ANKFN1: variants seen among roughly 807,000 people sequenced by gnomAD.
ANKFN1 encodes the protein ankyrin repeat and fibronectin type-III domain-containing protein 1.
In ANKFN1, 74 loss-of-function variants were observed where a neutral mutation model predicts 108.7. The ratio of observed to expected loss-of-function variants is 0.68; its 90% CI spans 0.56 to 0.83. The LOEUF is 0.83. Among genes scored for constraint, ANKFN1 ranks in the 40% least tolerant of loss-of-function variants. The pLI is 0.00. For missense variants in ANKFN1, 1,505 were observed against 1,382.3 expected (o/e 1.09, Z -1.41); for synonymous variants, 547 against 516.2 (o/e 1.06, Z -0.81).
chr17:56,433,456 C>T (rs1197620747), intron 8 of ANKFN1, among the ~76,000 whole-genome samples: 3 of 151,688 alleles, frequency 2.0e-5, no homozygotes, highest in Non-Finnish European at 4.4e-5. Context: ...TACATACATA[C>T]TATATATATG....
intron 4 of ANKFN1, among the ~76,000 whole-genome samples, chr17:56,078,910 G>C (rs560471230): frequency 6.6e-6 from 1 of 152,250 alleles, no homozygotes; most frequent in South Asian, 2.1e-4. Context: ...ACCCACGGAG[G>C]ACACATAGCA....
At chr17:56,378,064 C>T (rs978529779) in intron 8 of ANKFN1, among the ~76,000 whole-genome samples, 2 of 152,116 alleles carry the variant, frequency 1.3e-5, no homozygotes, top group Non-Finnish European at 2.9e-5. Flanking sequence ...TTTAACTGCT[C>T]GTCATTTGAT....
In ANKFN1 at chr17:56,326,206, T is replaced by C. The variant is rs373234854; in HGVS notation, c.54-15T>C. 2.5e-6 allele frequency: 4 copies of C among 1,604,780 alleles called. No individual in the cohort carries two copies. Among genetic ancestry groups the C allele is most frequent in the African/African-American group, 1.3e-5 (1 of 74,452 alleles). On this transcript the variant is annotated splice_polypyrimidine_tract_variant and intron_variant, in intron 3 of 20. Transcript: ENST00000682825. ...TGCCTGTAGTGATCCTGTTCGCATT[T>C]TATTCTTTACACAGAATAGGAAGGA...
At chr17:56,486,948 A>ACTTGCTAAC (rs961414739) in intron 18 of ANKFN1, among the ~76,000 whole-genome samples, 1 of 152,216 alleles carries the variant, frequency 6.6e-6, no homozygotes, top group African/African-American at 2.4e-5. Context: ...ATCATAAATA[A>ACTTGCTAAC]CTTGCTAACC....
At chr17:56,347,474 G>A (rs1598437322) in intron 4 of ANKFN1, among the ~76,000 whole-genome samples, 2 of 152,082 alleles carry the variant, frequency 1.3e-5, no homozygotes, top group African/African-American at 4.8e-5. Flanking sequence ...CAGATTATAG[G>A]TAACAATATC....
chr17:56,383,086 C>T (rs1183150955), intron 8 of ANKFN1, among the ~76,000 whole-genome samples: 1 of 151,992 alleles, frequency 6.6e-6, no homozygotes. Context: ...GAAGTAAAGC[C>T]CTCATCAGCA....
intron 8 of ANKFN1, among the ~76,000 whole-genome samples, chr17:56,410,727 C>T (rs369994882): frequency 1.3e-5 from 2 of 152,264 alleles, no homozygotes; most frequent in African/African-American, 4.8e-5. Context: ...TCTCTGCCAA[C>T]CTCTGGTAAC....
At chr17:56,453,983 G>A (rs2049589124) in intron 11 of ANKFN1, among the ~76,000 whole-genome samples, 1 of 152,048 alleles carries the variant, frequency 6.6e-6, no homozygotes, top group African/African-American at 2.4e-5. Flanking sequence ...TCTGTTGTCT[G>A]TTATATTGGG....
At chr17:56,094,067 T>C (rs1905470655) in intron 4 of ANKFN1, among the ~76,000 whole-genome samples, 1 of 151,138 alleles carries the variant, frequency 6.6e-6, no homozygotes, top group South Asian at 2.1e-4. Flanking sequence ...CGTATGACCA[T>C]AAAGGCAGAG....
chr17:56,177,122 T>A (rs1014441167), intron 1 of ANKFN1, among the ~76,000 whole-genome samples: 1 of 152,136 alleles, frequency 6.6e-6, no homozygotes, highest in Non-Finnish European at 1.5e-5. Context: ...CCTTGGTGAA[T>A]GACATGATTC....
chr17:56,396,176 C>A (rs575835833), intron 8 of ANKFN1, among the ~76,000 whole-genome samples: 1 of 152,192 alleles, frequency 6.6e-6, no homozygotes, highest in Non-Finnish European at 1.5e-5. Flanking sequence ...GGGCCAGGCA[C>A]GGTGGCTCAC....
intron 3 of ANKFN1, among the ~76,000 whole-genome samples, chr17:56,281,753 A>C (rs528036611): frequency 6.6e-6 from 1 of 152,346 alleles, no homozygotes; most frequent in East Asian, 1.9e-4. Flanking sequence ...GCTGAAATTC[A>C]TTAGACATCA....
intron 14 of ANKFN1, among the ~76,000 whole-genome samples, chr17:56,458,371 T>C: frequency 6.6e-6 from 1 of 152,150 alleles, no homozygotes. Context: ...TCTGCCGTCC[T>C]ATGCATTAAT....
At chr17:56,095,466 G>A (rs540839053) in intron 4 of ANKFN1, among the ~76,000 whole-genome samples, 10 of 150,632 alleles carry the variant, frequency 6.6e-5, no homozygotes, top group Non-Finnish European at 1.2e-4. Flanking sequence ...TAATTTTTGC[G>A]TCTTTTTGTT....
intron 3 of ANKFN1, among the ~76,000 whole-genome samples, chr17:56,278,830 T>C (rs2044000571): frequency 6.6e-6 from 1 of 152,258 alleles, no homozygotes; most frequent in Non-Finnish European, 1.5e-5. Context: ...TAGAATAGTC[T>C]TCTGTTGTCT....
chr17:56,500,204 T>C (rs2051323864), intron 20 of ANKFN1, among the ~76,000 whole-genome samples: 1 of 152,220 alleles, frequency 6.6e-6, no homozygotes, highest in Non-Finnish European at 1.5e-5. Context: ...ATAGACAATA[T>C]ATTGTCAATA....
intron 3 of ANKFN1, among the ~76,000 whole-genome samples, chr17:56,248,797 C>T (rs1213883810): frequency 6.6e-6 from 1 of 152,102 alleles, no homozygotes; most frequent in East Asian, 1.9e-4. Flanking sequence ...AGAAGCAGAT[C>T]CTAGGGGAAG....
At chr17:56,382,043 C>G (rs1404022106) in intron 8 of ANKFN1, among the ~76,000 whole-genome samples, 2 of 152,242 alleles carry the variant, frequency 1.3e-5, no homozygotes, top group Middle Eastern at 3.4e-3. Flanking sequence ...AGAGAAAGGT[C>G]GGGTTACCCA....
intron 14 of ANKFN1, among the ~76,000 whole-genome samples, chr17:56,463,224 A>G (rs1029640650): frequency 1.3e-5 from 2 of 152,186 alleles, no homozygotes; most frequent in African/African-American, 4.8e-5. Context: ...AAGTACTATT[A>G]TGGTATTCTT....
Sources: gnomAD v4.1 joint callset for allele counts (sites outside exome capture counted in the v4.1 genomes callset) on GRCh38, gnomAD v4.1.1 for gene constraint, MANE v1.5 for transcripts, NCBI Gene and HGNC (gene_info 2026-07-23, HGNC 2026-07-21) for gene names.